The following SNRPD1 variants were observed in gnomAD, a reference collection of about 807,000 sequenced individuals.
The protein encoded by SNRPD1 is small nuclear ribonucleoprotein Sm D1.
Under a neutral mutation model 14.4 loss-of-function variants are expected in SNRPD1, and 1 was observed. The ratio of observed to expected loss-of-function variants is 0.07; its 90% CI spans 0.02 to 0.33. SNRPD1 has a LOEUF of 0.33. Among genes scored for constraint, SNRPD1 ranks in the 10% least tolerant of loss-of-function variants. SNRPD1 has a pLI of 1.00. For synonymous variants in SNRPD1, 42 were observed against 50.3 expected, an observed-to-expected ratio of 0.83 and a Z score of 0.70; for missense variants, 52 against 146.4, an observed-to-expected ratio of 0.36 and a Z score of 3.33.
Position 21,623,881 on chromosome 18 carries a change from T to C in SNRPD1, c.225T>C (p.Pro75=), listed in dbSNP as rs2039015835. ...IRYFILPDSL[P]LDTLLVDVEP... ...ATTTTATTCTACCAGACAGTTTACC[T>C]CTGGATACACTACTTGTGGATGTTG... Residue 75 remains proline, a synonymous_variant, in exon 3 of 4, where the codon CCT becomes CCC. Transcript: ENST00000300413. The C allele has an allele frequency of 1.9e-6, 3 of 1,612,850 alleles. No individual in the cohort carries two copies. The highest frequency in any genetic ancestry group is 1.3e-5 in the African/African-American group (1 of 75,046).
At chr18:21,614,585 C>T (rs889925004) in intron 1 of SNRPD1, among the ~76,000 whole-genome samples, 1 of 152,216 alleles carries the variant, frequency 6.6e-6, no homozygotes, top group Admixed American at 6.6e-5. Context: ...CATCCTTATT[C>T]TCACTGTCAC....
At chr18:21,616,913 C>A (rs1288773368) in intron 1 of SNRPD1, among the ~76,000 whole-genome samples, 3 of 151,440 alleles carry the variant, frequency 2.0e-5, no homozygotes, top group African/African-American at 7.3e-5. Context: ...GTCTCGATCT[C>A]CTGACCTTGT....
chr18:21,612,489 T>C, intron 1 of SNRPD1, 46 bp downstream of exon 1: 1 of 1,406,562 alleles, frequency 7.1e-7, no homozygotes, highest in Admixed American at 2.3e-5. Context: ...AGGGAGGGCT[T>C]GGCCCGGAGT....
chr18:21,612,492 C>T, intron 1 of SNRPD1, 49 bp downstream of exon 1: 2 of 1,398,928 alleles, frequency 1.4e-6, no homozygotes, highest in Non-Finnish European at 1.9e-6. Flanking sequence ...GAGGGCTTGG[C>T]CCGGAGTCCG....
chr18:21,612,567 G>C (rs1173778242), intron 1 of SNRPD1, 124 bp downstream of exon 1: 33 of 664,800 alleles, frequency 5.0e-5, no homozygotes, highest in Non-Finnish European at 7.5e-5. Context: ...GCTAACGGCC[G>C]GCCTTACTGC....
Position 21,633,040 on chromosome 18 carries a change from CG to C in SNRPD1, c.*3906del, listed in dbSNP as rs1261739904. On this transcript the variant is annotated 3_prime_UTR_variant, in exon 4 of 4. Coordinates refer to ENST00000300413, the MANE Select transcript of SNRPD1 (RefSeq NM_006938.4). ...TAATGTTTTGTACTTTTAGTAGAGA[CG>C]GGGTTTCACTGTGTTAGCCAGGATG... is the stretch of plus-strand genomic sequence containing the variant. 1 of 151,946 alleles carries C rather than the reference CG, an allele frequency of 6.6e-6. No homozygotes were observed. Among genetic ancestry groups the C allele is most frequent in the African/African-American group, 2.4e-5 (1 of 41,352 alleles). The allele number at this position is 151,946 out of a possible 1,614,324, so 9.4% of individuals were successfully genotyped here.
rs551710489 is a variant in SNRPD1, at chr18:21,625,672, G to A, written c.283+1733G>A. On this transcript the variant is annotated intron_variant, in intron 3 of 3. Transcript: ENST00000300413. ...GTCGCCCAGGCTGGAGTGCAGTGGC[G>A]CGATCTCGGCTCACTGCAAGCTCCG... Among the ~76,000 whole-genome samples, 74 of 151,936 alleles carry A rather than the reference G, an allele frequency of 4.9e-4. 2 individuals are homozygous for A. In the East Asian group the frequency reaches 5.7e-3, roughly 12 times the overall value.
chr18:21,630,303 GA>G lies in SNRPD1; in HGVS notation c.*1171del. On this transcript the variant is annotated 3_prime_UTR_variant, in exon 4 of 4. Coordinates refer to ENST00000300413, the MANE Select transcript of SNRPD1 (RefSeq NM_006938.4). ...AATTGTTTTTGATTTGCTAAGCTCA[GA>G]AAAAATGTCTCTCAGTGCATCAGTT... 6.6e-6 allele frequency: 1 copy of G among 152,092 alleles called. No homozygotes were observed. Among genetic ancestry groups the G allele is most frequent in the Middle Eastern group, 3.4e-3 (1 of 294 alleles). The allele number at this position is 152,092 out of a possible 1,614,324, so 9.4% of individuals were successfully genotyped here.
At chr18:21,628,104 G>A (rs1432160234) in intron 3 of SNRPD1, among the ~76,000 whole-genome samples, 1 of 152,184 alleles carries the variant, frequency 6.6e-6, no homozygotes, top group East Asian at 1.9e-4. Context: ...ATGTGGCCAG[G>A]TGCGGTGGCT....
At chr18:21,625,647 G>A (rs1325550226) in intron 3 of SNRPD1, among the ~76,000 whole-genome samples, 1 of 151,880 alleles carries the variant, frequency 6.6e-6, no homozygotes, top group African/African-American at 2.4e-5. Context: ...CTCTCACTCT[G>A]TCGCCCAGGC....
chr18:21,624,154 G>A (rs958439556), intron 3 of SNRPD1, among the ~76,000 whole-genome samples: 3 of 152,126 alleles, frequency 2.0e-5, no homozygotes, highest in African/African-American at 7.2e-5. Context: ...GCCAAGGCGG[G>A]TGGATCACGA....
intron 1 of SNRPD1, among the ~76,000 whole-genome samples, chr18:21,620,316 G>A (rs1333676520): frequency 6.6e-6 from 1 of 151,762 alleles, no homozygotes; most frequent in African/African-American, 2.4e-5. Context: ...GACCAGGCAG[G>A]TCTCGAACTC....
At chr18:21,618,570 A>G (rs112748887) in intron 1 of SNRPD1, among the ~76,000 whole-genome samples, 3,478 of 152,258 alleles carry the variant, frequency 0.023, 144 homozygotes, top group Admixed American at 0.11. Flanking sequence ...AAACTTGATA[A>G]TGGGAGGAAA....
chr18:21,623,848 C>T lies in SNRPD1; in HGVS notation c.192C>T (p.Asn64=). The T allele has an allele frequency of 6.2e-7, 1 of 1,612,290 alleles. No homozygotes were observed. The highest frequency in any genetic ancestry group is 1.1e-5 in the South Asian group (1 of 91,024). ...AAACGCTGAGTATTCGAGGAAATAA[C>T]ATTCGGTATTTTATTCTACCAGACA... ...QLETLSIRGN[N]IRYFILPDSL... Residue 64 remains asparagine, a synonymous_variant, in exon 3 of 4, where the codon AAC becomes AAT. Transcript: ENST00000300413.
At chr18:21,614,971 T>G (rs935016458) in intron 1 of SNRPD1, among the ~76,000 whole-genome samples, 4 of 152,210 alleles carry the variant, frequency 2.6e-5, no homozygotes, top group African/African-American at 9.6e-5. Context: ...TTTCCTTCTT[T>G]AAGGTAAATA....
rs1163086001 is a variant in SNRPD1, at chr18:21,633,276, A to G, written c.*4138A>G. 6.6e-6 allele frequency: 1 copy of G among 152,248 alleles called. No individual in the cohort carries two copies. Among genetic ancestry groups the G allele is most frequent in the African/African-American group, 2.4e-5 (1 of 41,466 alleles). 9.4% of individuals were successfully genotyped at this position (152,248 alleles called of 1,614,324 possible). A position where few individuals can be genotyped will look rare whatever the true frequency, so the allele number is the denominator to read the frequency against. On this transcript the variant is annotated 3_prime_UTR_variant, in exon 4 of 4. Coordinates refer to ENST00000300413, the MANE Select transcript of SNRPD1 (RefSeq NM_006938.4). Reference sequence around the variant, plus strand: ...TGTGAGCATAACTTAGTATTTTGAAATAGATTAATGTAGTCAGCAAACAAT... The same window carrying G: ...TGTGAGCATAACTTAGTATTTTGAAGTAGATTAATGTAGTCAGCAAACAAT...
At chr18:21,619,042 CTG>C (rs1470446974) in intron 1 of SNRPD1, among the ~76,000 whole-genome samples, 1 of 152,048 alleles carries the variant, frequency 6.6e-6, no homozygotes, top group Non-Finnish European at 1.5e-5. Flanking sequence ...TTTATATGAA[CTG>C]TGTATTGTAT....
In SNRPD1 at chr18:21,612,729, C is replaced by T. The variant is rs190749761; in HGVS notation, c.14+286C>T. Among the ~76,000 whole-genome samples the T allele has an allele frequency of 2.1e-4, 32 of 152,402 alleles. 1 individual carries two copies. The highest frequency in any genetic ancestry group is 7.5e-4 in the African/African-American group (31 of 41,602). ...GCAGCGCCTCCTGGGACACATCTCC[C>T]TCTTACAGTTACTCATTTTCTTTTT... On this transcript the variant is annotated intron_variant, in intron 1 of 3. Transcript: ENST00000300413.
intron 3 of SNRPD1, among the ~76,000 whole-genome samples, chr18:21,624,502 GT>G (rs2039021202): frequency 6.6e-6 from 1 of 151,906 alleles, no homozygotes; most frequent in Admixed American, 6.6e-5. Flanking sequence ...GACCAGCCTG[GT>G]CAACATGGCG....
Sources: allele counts gnomAD v4.1 joint callset (sites outside exome capture counted in the v4.1 genomes callset), GRCh38; gene constraint gnomAD v4.1.1; transcripts MANE v1.5; gene names NCBI Gene and HGNC (gene_info 2026-07-23, HGNC 2026-07-21).